Variants in ZNF827 observed in about 807,000 individuals in gnomAD.
ZNF827 encodes the protein zinc finger protein 827.
ZNF827 carries 13 observed loss-of-function variants against 102.4 expected under a neutral mutation model. That is an observed-to-expected ratio of 0.13 (90% confidence interval 0.08 to 0.20). ZNF827 has a LOEUF of 0.20. Among genes scored for constraint, ZNF827 ranks in the 10% least tolerant of loss-of-function variants. The probability of loss-of-function intolerance (pLI) is 1.00; values close to 1 mark genes in which losing one functional copy is unlikely to be tolerated. For synonymous variants in ZNF827, 523 were observed against 536.2 expected, an observed-to-expected ratio of 0.98 and a Z score of 0.34; for missense variants, 1,103 against 1,344.4, an observed-to-expected ratio of 0.82 and a Z score of 2.81.
chr4:145,848,382 T>C (rs1274728647), intron 6 of ZNF827, among the ~76,000 whole-genome samples: 1 of 152,236 alleles, frequency 6.6e-6, no homozygotes, highest in East Asian at 1.9e-4. Flanking sequence ...GAAGGTGAAC[T>C]ATTATGGCGA....
chr4:145,904,962 A>G (rs1751725542), intron 1 of ZNF827, among the ~76,000 whole-genome samples: 1 of 152,204 alleles, frequency 6.6e-6, no homozygotes, highest in Non-Finnish European at 1.5e-5. Context: ...GGAGGCTAGG[A>G]TCCAGGTGGG....
chr4:145,834,435 C>T (rs1376499842), intron 7 of ZNF827, among the ~76,000 whole-genome samples: 10 of 152,126 alleles, frequency 6.6e-5, no homozygotes, highest in East Asian at 3.9e-4. Context: ...TTCGCCAGGC[C>T]GAGCTAGGTC....
chr4:145,873,226 C>T (rs557457642), intron 4 of ZNF827, among the ~76,000 whole-genome samples: 13 of 152,186 alleles, frequency 8.5e-5, no homozygotes, highest in African/African-American at 2.9e-4. Context: ...TGAGCCGACA[C>T]GCCTGGCCCA....
At chr4:145,836,607 C>T (rs1431644876) in intron 7 of ZNF827, among the ~76,000 whole-genome samples, 1 of 152,144 alleles carries the variant, frequency 6.6e-6, no homozygotes, top group African/African-American at 2.4e-5. Flanking sequence ...ATCCGGCCTC[C>T]CACATTATTC....
chr4:145,791,464 A>G (rs993544483), intron 8 of ZNF827, among the ~76,000 whole-genome samples: 1 of 152,178 alleles, frequency 6.6e-6, no homozygotes, highest in Non-Finnish European at 1.5e-5. Context: ...TAGCTAGGAG[A>G]GGAGGAAAGG....
chr4:145,882,192 C>A (rs1435309624), intron 4 of ZNF827, among the ~76,000 whole-genome samples: 1 of 152,160 alleles, frequency 6.6e-6, no homozygotes, highest in Non-Finnish European at 1.5e-5. Flanking sequence ...GCTCACCTGC[C>A]CTGACATGCA....
chr4:145,779,485 C>T lies in ZNF827; in HGVS notation c.2410G>A (p.Gly804Arg). Residue 804 changes from glycine (G) to arginine (R), a missense_variant, in exon 9 of 15, where the codon GGA (glycine) becomes AGA (arginine). Physicochemically the swap from Gly to Arg is moderately radical, Grantham distance 125. Around this residue, in one of 5 missense-constraint regions of ZNF827, gnomAD observed 242 missense variants for 361.9 expected, o/e 0.67. Transcript: ENST00000508784. ...PETEKIVLEA[G>R]NGLPSWKFND... The stretch of plus-strand genomic sequence containing the variant: ...AATTTCCAGGATGGTAATCCATTTC[C>T]TGCCTCTAGGACTATCTTTTCTGTT... The T allele has an allele frequency of 6.2e-7, 1 of 1,614,210 alleles. No individual in the cohort carries two copies.
At chr4:145,936,139 C>T (rs954834295) in intron 1 of ZNF827, among the ~76,000 whole-genome samples, 4 of 152,126 alleles carry the variant, frequency 2.6e-5, no homozygotes, top group African/African-American at 9.7e-5. Flanking sequence ...GGCAGACCTC[C>T]CCTGACCCCC....
At chr4:145,890,673 G>T (rs565843945) in intron 3 of ZNF827, among the ~76,000 whole-genome samples, 1 of 152,262 alleles carries the variant, frequency 6.6e-6, no homozygotes, top group Non-Finnish European at 1.5e-5. Flanking sequence ...TCATTTTAAA[G>T]GCATTTCTTT....
intron 4 of ZNF827, among the ~76,000 whole-genome samples, chr4:145,882,433 G>C (rs1749748741): frequency 6.6e-6 from 1 of 152,130 alleles, no homozygotes; most frequent in African/African-American, 2.4e-5. Context: ...TGTTAAGTGT[G>C]GGCTCAGTCA....
intron 1 of ZNF827, among the ~76,000 whole-genome samples, chr4:145,929,144 C>T (rs1753634567): frequency 6.6e-6 from 1 of 152,200 alleles, no homozygotes; most frequent in Non-Finnish European, 1.5e-5. Context: ...CTCTCTTTCC[C>T]ACTGTGCTCA....
intron 7 of ZNF827, among the ~76,000 whole-genome samples, chr4:145,833,330 C>T (rs889096403): frequency 1.3e-5 from 2 of 152,188 alleles, no homozygotes; most frequent in South Asian, 4.1e-4. Context: ...AAAACTCTGG[C>T]GCCAGTCACG....
intron 1 of ZNF827, among the ~76,000 whole-genome samples, chr4:145,924,306 T>C (rs1461259223): frequency 1.3e-5 from 2 of 152,220 alleles, no homozygotes; most frequent in South Asian, 2.1e-4. Flanking sequence ...ACAAGTTCAA[T>C]AGCATTAAAA....
At chr4:145,912,481 T>A (rs1008033634) in intron 1 of ZNF827, among the ~76,000 whole-genome samples, 17 of 152,230 alleles carry the variant, frequency 1.1e-4, no homozygotes, top group African/African-American at 4.1e-4. Context: ...GAATACCTAG[T>A]ATCATGAGTT....
At chr4:145,811,902 A>G (rs762527690) in intron 8 of ZNF827, among the ~76,000 whole-genome samples, 4 of 151,530 alleles carry the variant, frequency 2.6e-5, no homozygotes, top group Non-Finnish European at 5.9e-5. Flanking sequence ...AAAAAATTCT[A>G]CTTGAACTAA....
rs1753681322 is a variant in ZNF827 at position 145,929,916 on chromosome 4, C to T, written c.43+8449G>A. On this transcript the variant is annotated intron_variant, in intron 1 of 14. Transcript: ENST00000508784. Reference sequence around the variant, plus strand: ...ATTTAAAGATGAGTAAAGTGGAGGACAGGGAAGATAAGCAATTTGCCCAAG... The same window carrying T: ...ATTTAAAGATGAGTAAAGTGGAGGATAGGGAAGATAAGCAATTTGCCCAAG... Among the ~76,000 whole-genome samples, 3 of 152,158 alleles carry T rather than the reference C, an allele frequency of 2.0e-5. No individual in the cohort carries two copies. The South Asian group carries it at 6.2e-4, about 32-fold the overall frequency.
At chr4:145,796,390 T>C (rs1740381911) in intron 8 of ZNF827, among the ~76,000 whole-genome samples, 1 of 152,148 alleles carries the variant, frequency 6.6e-6, no homozygotes, top group African/African-American at 2.4e-5. Flanking sequence ...GAGATTAGGT[T>C]AGCGGAGCAA....
intron 1 of ZNF827, among the ~76,000 whole-genome samples, chr4:145,909,654 A>C (rs1345946588): frequency 1.3e-5 from 2 of 152,248 alleles, no homozygotes; most frequent in African/African-American, 2.4e-5. Context: ...AGGTATCAGG[A>C]AGACAAAAGC....
At chr4:145,934,141 G>C (rs1483545684) in intron 1 of ZNF827, among the ~76,000 whole-genome samples, 1 of 152,052 alleles carries the variant, frequency 6.6e-6, no homozygotes, top group Admixed American at 6.5e-5. Context: ...TACTGCTCTA[G>C]GCCAAGAAAT....
Sources: gnomAD v4.1 joint callset for allele counts (sites outside exome capture counted in the v4.1 genomes callset) on GRCh38, gnomAD v4.1.1 for gene constraint, gnomAD v4.1.1 regional missense constraint, MANE v1.5 for transcripts, NCBI Gene and HGNC (gene_info 2026-07-23, HGNC 2026-07-21) for gene names.